The following CAMK1D variants were observed in gnomAD, a reference collection of about 807,000 sequenced individuals.
CAMK1D encodes the protein calcium/calmodulin-dependent protein kinase type 1D.
A neutral mutation model predicts 47.7 loss-of-function variants in CAMK1D; 9 were observed. The ratio of observed to expected loss-of-function variants is 0.19; its 90% CI spans 0.11 to 0.33. CAMK1D has a LOEUF of 0.33. Ranked by LOEUF, CAMK1D falls within the 10% of genes least tolerant of loss-of-function variation. The probability of loss-of-function intolerance (pLI) is 1.00; values close to 1 mark genes in which losing one functional copy is unlikely to be tolerated. For synonymous variants in CAMK1D, 184 were observed against 184.9 expected, an observed-to-expected ratio of 0.99 and a Z score of 0.04; for missense variants, 291 against 488.7, an observed-to-expected ratio of 0.60 and a Z score of 3.81.
At chr10:12,642,238 G>T (rs1839688046) in intron 2 of CAMK1D, among the ~76,000 whole-genome samples, 1 of 152,172 alleles carries the variant, frequency 6.6e-6, no homozygotes, top group South Asian at 2.1e-4. Flanking sequence ...ATTGTGTGCT[G>T]GCCTGTGGAT....
intron 1 of CAMK1D, among the ~76,000 whole-genome samples, chr10:12,450,018 T>TA (rs1333419366): frequency 7.4e-6 from 1 of 135,266 alleles, no homozygotes; most frequent in African/African-American, 2.8e-5. Context: ...CACACGTATA[T>TA]AAAAAAAGTA....
rs552420940 is a variant in CAMK1D at position 12,816,906 on chromosome 10, G to A, written c.833+578G>A. 1.1e-3 allele frequency among the ~76,000 whole-genome samples: 166 copies of A among 147,504 alleles called. 1 individual carries two copies. Among genetic ancestry groups the A allele is most frequent in the African/African-American group, 3.8e-3 (154 of 40,096 alleles). On this transcript the variant is annotated intron_variant, in intron 8 of 10. Coordinates refer to ENST00000619168, the MANE Select transcript of CAMK1D (RefSeq NM_153498.4). ...AAAAAAAAAAAAAAAAGACATACCC[G>A]AGACTGGGCAATTTACAAAAGGAGG...
At chr10:12,463,702 C>T (rs1419950583) in intron 1 of CAMK1D, among the ~76,000 whole-genome samples, 4 of 151,920 alleles carry the variant, frequency 2.6e-5, no homozygotes, top group African/African-American at 4.8e-5. Context: ...TGATGTGTAT[C>T]GCCCCCTGAT....
At chr10:12,431,879 T>G (rs754271241) in intron 1 of CAMK1D, among the ~76,000 whole-genome samples, 7 of 152,256 alleles carry the variant, frequency 4.6e-5, no homozygotes, top group Admixed American at 2.6e-4. Context: ...TGATGATTCC[T>G]GACTCTTCTC....
chr10:12,387,562 A>G (rs1453150541), intron 1 of CAMK1D, among the ~76,000 whole-genome samples: 2 of 144,520 alleles, frequency 1.4e-5, no homozygotes, highest in African/African-American at 5.1e-5. Flanking sequence ...GCTGGAGTGC[A>G]GTGGTGCAAT....
chr10:12,801,607 T>G lies in CAMK1D; in HGVS notation c.641+10374T>G, dbSNP rs115180390. Among the ~76,000 whole-genome samples the G allele has an allele frequency of 3.7e-3, 569 of 152,234 alleles. 2 individuals carry two copies. Among genetic ancestry groups the G allele is most frequent in the African/African-American group, 0.013 (539 of 41,546 alleles). ...TGTTATCTATCTGTCTATCCATTCA[T>G]CCATCCTTCCATCCATCTATCTATC... On this transcript the variant is annotated intron_variant, in intron 6 of 10. Coordinates refer to ENST00000619168, the MANE Select transcript of CAMK1D (RefSeq NM_153498.4).
At chr10:12,797,938 G>C (rs577159092) in intron 6 of CAMK1D, among the ~76,000 whole-genome samples, 3 of 152,128 alleles carry the variant, frequency 2.0e-5, no homozygotes, top group African/African-American at 7.2e-5. Flanking sequence ...ACAACAGTGA[G>C]GGGGGAAACT....
intron 1 of CAMK1D, among the ~76,000 whole-genome samples, chr10:12,439,044 C>A (rs1361473534): frequency 6.6e-6 from 1 of 152,146 alleles, no homozygotes; most frequent in Non-Finnish European, 1.5e-5. Flanking sequence ...AAAATAGAGT[C>A]ATTTGCCCGT....
At chr10:12,365,016 G>T (rs1478924978) in intron 1 of CAMK1D, among the ~76,000 whole-genome samples, 1 of 151,782 alleles carries the variant, frequency 6.6e-6, no homozygotes, top group African/African-American at 2.4e-5. Flanking sequence ...GAGTTCAGTG[G>T]TGCGATCTTG....
chr10:12,582,401 A>G (rs1190006469), intron 2 of CAMK1D, among the ~76,000 whole-genome samples: 2 of 151,696 alleles, frequency 1.3e-5, no homozygotes, highest in Admixed American at 6.6e-5. Flanking sequence ...AATTTTTAGG[A>G]TTGTTTTTCT....
At chr10:12,454,001 GGGGGGGC>G (rs1833165582) in intron 1 of CAMK1D, among the ~76,000 whole-genome samples, 2 of 152,116 alleles carry the variant, frequency 1.3e-5, no homozygotes, top group South Asian at 4.1e-4. Flanking sequence ...GCAGAGCTCT[GGGGGGGC>G]TGTTGAAACC....
At chr10:12,399,459 G>T (rs1170774471) in intron 1 of CAMK1D, among the ~76,000 whole-genome samples, 1 of 151,688 alleles carries the variant, frequency 6.6e-6, no homozygotes, top group East Asian at 1.9e-4. Flanking sequence ...AGCTGAGATC[G>T]CACCACTGCA....
intron 1 of CAMK1D, among the ~76,000 whole-genome samples, chr10:12,501,179 G>C (rs1242741107): frequency 6.6e-6 from 1 of 152,230 alleles, no homozygotes; most frequent in African/African-American, 2.4e-5. Flanking sequence ...GCCTAAGTGG[G>C]TTGTAGCAAT....
intron 2 of CAMK1D, among the ~76,000 whole-genome samples, chr10:12,582,813 C>T (rs1483836505): frequency 1.3e-5 from 2 of 152,166 alleles, no homozygotes; most frequent in Non-Finnish European, 1.5e-5. Context: ...ATCTCTTTTA[C>T]TTTTTAGTGA....
At chr10:12,784,919 G>A (rs377470248) in intron 5 of CAMK1D, among the ~76,000 whole-genome samples, 1 of 152,194 alleles carries the variant, frequency 6.6e-6, no homozygotes, top group Admixed American at 6.5e-5. Flanking sequence ...CCCTCCAGCA[G>A]CGTGAAATCT....
chr10:12,605,323 A>G (rs1838420218), intron 2 of CAMK1D, among the ~76,000 whole-genome samples: 1 of 134,124 alleles, frequency 7.5e-6, no homozygotes, highest in African/African-American at 2.6e-5. Flanking sequence ...GTGATGGTGG[A>G]TAGAAACCAT....
At chr10:12,407,868 T>C (rs1213705971) in intron 1 of CAMK1D, among the ~76,000 whole-genome samples, 1 of 148,254 alleles carries the variant, frequency 6.7e-6, no homozygotes, top group Non-Finnish European at 1.5e-5. Flanking sequence ...TTTTCTTTTT[T>C]TTTTTTTGAG....
chr10:12,476,608 G>T (rs1365130784), intron 1 of CAMK1D, among the ~76,000 whole-genome samples: 1 of 152,164 alleles, frequency 6.6e-6, no homozygotes, highest in East Asian at 1.9e-4. Flanking sequence ...ATCATGTCGA[G>T]ATTTTTTAAT....
intron 2 of CAMK1D, among the ~76,000 whole-genome samples, chr10:12,625,913 G>A (rs1839200308): frequency 6.6e-6 from 1 of 152,194 alleles, no homozygotes. Flanking sequence ...TGTAGGATCT[G>A]TAGAAAACAG....
Sources: allele counts gnomAD v4.1 joint callset (sites outside exome capture counted in the v4.1 genomes callset), GRCh38; gene constraint gnomAD v4.1.1; transcripts MANE v1.5; gene names NCBI Gene and HGNC (gene_info 2026-07-23, HGNC 2026-07-21).